The following BLTP2 variants were observed in gnomAD, a reference collection of about 807,000 sequenced individuals.
The protein encoded by BLTP2 is U937-associated antigen.
At chr17:28,641,018 T>C in the BLTP2 span, among the ~76,000 whole-genome samples, 2 of 152,252 alleles carry the variant, frequency 1.3e-5, no homozygotes, top group South Asian at 4.1e-4. Flanking sequence ...TCAGTTTCCT[T>C]ATTTGTGAAA....
chr17:28,622,024 AG>A, the BLTP2 span, among the ~76,000 whole-genome samples: 1 of 152,122 alleles, frequency 6.6e-6, no homozygotes, highest in Non-Finnish European at 1.5e-5. Context: ...AATATAGGAA[AG>A]GCCAGATCAA....
At chr17:28,639,711 C>T in the BLTP2 span, 11 of 1,486,196 alleles carry the variant, frequency 7.4e-6, no homozygotes, top group Non-Finnish European at 1.0e-5. Flanking sequence ...GGGAGAGGGT[C>T]AGAAGCCGGC....
At chr17:28,620,864 G>T in the BLTP2 span, 1 of 1,026,380 alleles carries the variant, frequency 9.7e-7, no homozygotes, top group Non-Finnish European at 1.5e-6. Flanking sequence ...GTAGAGCAAA[G>T]TGAAATGTTA....
At chr17:28,635,536 G>A in the BLTP2 span, 4 of 1,614,014 alleles carry the variant, frequency 2.5e-6, no homozygotes, top group African/African-American at 4.0e-5. Context: ...CTGTAGAGTG[G>A]CCAGGACATG....
the BLTP2 span, chr17:28,632,307 T>G: frequency 7.1e-7 from 1 of 1,410,438 alleles, no homozygotes; most frequent in Non-Finnish European, 9.7e-7. Flanking sequence ...AATCCTTCCC[T>G]TGCTGCAGGT....
the BLTP2 span, chr17:28,620,724 C>A: frequency 7.1e-7 from 1 of 1,401,370 alleles, no homozygotes. Context: ...CCCCACTAGT[C>A]AACCCCACAG....
At chr17:28,642,963 T>G in the BLTP2 span, 1 of 1,604,034 alleles carries the variant, frequency 6.2e-7, no homozygotes, top group Non-Finnish European at 8.5e-7. Flanking sequence ...ATGATGTTTA[T>G]AGCATCTACA....
chr17:28,621,282 G>A, the BLTP2 span: 1 of 1,431,612 alleles, frequency 7.0e-7, no homozygotes, highest in East Asian at 2.3e-5. Flanking sequence ...ACCCAGCCTA[G>A]CACAAAATGG....
At chr17:28,617,456 A>C in the BLTP2 span, 1 of 615,998 alleles carries the variant, frequency 1.6e-6, no homozygotes, top group Non-Finnish European at 2.9e-6. Context: ...AAACTCATAC[A>C]ATCAACACTC....
the BLTP2 span, among the ~76,000 whole-genome samples, chr17:28,623,335 C>G: frequency 1.3e-5 from 2 of 152,144 alleles, no homozygotes; most frequent in Non-Finnish European, 2.9e-5. Context: ...TAACCTGACT[C>G]CTAGGCAGTC....
the BLTP2 span, among the ~76,000 whole-genome samples, chr17:28,619,448 T>C: frequency 1.6e-4 from 25 of 151,660 alleles, no homozygotes; most frequent in East Asian, 3.3e-3. Flanking sequence ...CTGGTCAACA[T>C]AGTGAGACCA....
chr17:28,634,336 G>A, the BLTP2 span, among the ~76,000 whole-genome samples: 1 of 152,102 alleles, frequency 6.6e-6, no homozygotes, highest in South Asian at 2.1e-4. Flanking sequence ...CTTTATGTTA[G>A]CCAAGCAATT....
chr17:28,640,620 T>G, the BLTP2 span: 2 of 1,613,994 alleles, frequency 1.2e-6, no homozygotes, highest in Non-Finnish European at 1.7e-6. Flanking sequence ...CTTGACCTGG[T>G]CTGGCAGCTG....
At chr17:28,633,731 C>T in the BLTP2 span, 1 of 1,613,998 alleles carries the variant, frequency 6.2e-7, no homozygotes, top group African/African-American at 1.3e-5. Context: ...CCCCACACCA[C>T]TGTGTACTGG....
At chr17:28,624,699 T>C in the BLTP2 span, among the ~76,000 whole-genome samples, 5 of 152,234 alleles carry the variant, frequency 3.3e-5, no homozygotes, top group African/African-American at 1.2e-4. Flanking sequence ...TTATTTCTTT[T>C]TTCATTTCAT....
At chr17:28,633,860 C>G in the BLTP2 span, 1 of 1,610,148 alleles carries the variant, frequency 6.2e-7, no homozygotes, top group Non-Finnish European at 8.5e-7. Flanking sequence ...TCACAAACGT[C>G]CCTCAGCCAA....
At chr17:28,635,783 A>G in the BLTP2 span, 11 of 617,692 alleles carry the variant, frequency 1.8e-5, no homozygotes, top group Non-Finnish European at 3.0e-5. Context: ...TAATGTGCTG[A>G]GCTGACAGTT....
chr17:28,616,849 T>C, the BLTP2 span: 2 of 1,603,868 alleles, frequency 1.2e-6, no homozygotes, highest in Admixed American at 1.7e-5. This position sits in a 1 kb window ranked among gnomAD's most constrained non-coding sequence, Gnocchi z 4.8. Context: ...GGCTTTTGAA[T>C]GTCCCTTGTT....
chr17:28,618,650 G>A, the BLTP2 span: 4 of 623,410 alleles, frequency 6.4e-6, no homozygotes, highest in East Asian at 1.1e-4. Flanking sequence ...TGATTAATGA[G>A]CTCGTTAATA....
Sources: allele counts gnomAD v4.1 joint callset (sites outside exome capture counted in the v4.1 genomes callset), GRCh38; gene constraint gnomAD v4.1.1; non-coding constraint Gnocchi (gnomAD v3.1); transcripts MANE v1.5; gene names NCBI Gene and HGNC (gene_info 2026-07-23, HGNC 2026-07-21).